The following LIPC variants were observed in gnomAD, a reference collection of about 807,000 sequenced individuals.
The protein encoded by LIPC is hepatic triacylglycerol lipase.
In LIPC, 44 loss-of-function variants were observed where a neutral mutation model predicts 50.7. The ratio of observed to expected loss-of-function variants is 0.87; its 90% confidence interval spans 0.68 to 1.11. LIPC has a LOEUF of 1.11. LIPC is among the 50% of genes most tolerant of loss of function. LIPC has a pLI of 0.00. For missense variants in LIPC, 697 were observed against 648.2 expected, an observed-to-expected ratio of 1.08 and a Z score of -0.82; for synonymous variants, 271 against 256.4, an observed-to-expected ratio of 1.06 and a Z score of -0.54.
At chr15:58,436,339 C>A in intron 1 of LIPC, 1 of 176,360 alleles carries the variant, frequency 5.7e-6, no homozygotes, top group Non-Finnish European at 1.2e-5. Context: ...CTAGGTGACC[C>A]CTGTAAGCTT....
At chr15:58,505,920 G>A (rs1453318505) in intron 1 of LIPC, among the ~76,000 whole-genome samples, 1 of 151,128 alleles carries the variant, frequency 6.6e-6, no homozygotes, top group Non-Finnish European at 1.5e-5. Context: ...GCCAGTACCC[G>A]CGAGCTCCCT....
intron 1 of LIPC, among the ~76,000 whole-genome samples, chr15:58,471,332 G>GGA (rs201484183): frequency 4.3e-5 from 6 of 138,740 alleles, no homozygotes; most frequent in Non-Finnish European, 7.8e-5. Context: ...TAGAGATGGG[G>GGA]GGGGGTGGTC....
At chr15:58,509,486 A>G (rs1415263978) in intron 1 of LIPC, among the ~76,000 whole-genome samples, 1 of 152,148 alleles carries the variant, frequency 6.6e-6, no homozygotes, top group African/African-American at 2.4e-5. Context: ...AAAGCTATCT[A>G]CTCCAAGGAT....
intron 1 of LIPC, among the ~76,000 whole-genome samples, chr15:58,492,124 A>G (rs572200266): frequency 3.9e-5 from 6 of 152,212 alleles, no homozygotes; most frequent in Admixed American, 1.3e-4. Flanking sequence ...GAGGCTCCCC[A>G]AGCATTCTAC....
chr15:58,460,762 G>T (rs1225654629), intron 1 of LIPC, among the ~76,000 whole-genome samples: 1 of 152,160 alleles, frequency 6.6e-6, no homozygotes, highest in African/African-American at 2.4e-5. Flanking sequence ...GGGAAAAGAG[G>T]GCAGCTGTTA....
chr15:58,532,786 G>C (rs924827890), intron 1 of LIPC, among the ~76,000 whole-genome samples: 1 of 152,140 alleles, frequency 6.6e-6, no homozygotes. Flanking sequence ...ATTGCCTGCA[G>C]TCACCCATCT....
intron 1 of LIPC, among the ~76,000 whole-genome samples, chr15:58,481,461 T>A (rs1257267750): frequency 6.6e-6 from 1 of 152,090 alleles, no homozygotes; most frequent in Non-Finnish European, 1.5e-5. Flanking sequence ...GGTAACTGGA[T>A]AAATAAATCA....
chr15:58,462,930 C>T (rs1206482957), intron 1 of LIPC, among the ~76,000 whole-genome samples: 6 of 152,240 alleles, frequency 3.9e-5, no homozygotes, highest in African/African-American at 7.2e-5. Flanking sequence ...ATTAGCACTG[C>T]ACAGGCTGTG....
At chr15:58,529,066 C>G in intron 1 of LIPC, among the ~76,000 whole-genome samples, 1 of 152,118 alleles carries the variant, frequency 6.6e-6, no homozygotes, top group East Asian at 1.9e-4. Flanking sequence ...GTAAGCTTCA[C>G]TTGGCAATTG....
At chr15:58,457,643 C>T (rs963207107) in intron 1 of LIPC, among the ~76,000 whole-genome samples, 21 of 152,326 alleles carry the variant, frequency 1.4e-4, no homozygotes, top group African/African-American at 5.1e-4. Flanking sequence ...ACTCAGGCCG[C>T]ATCATTTTGT....
rs185187566 is a variant in LIPC, at chr15:58,568,235, A to C, written c.1389-481A>C. Among the ~76,000 whole-genome samples the C allele has an allele frequency of 1.2e-3, 182 of 152,338 alleles. 1 individual carries two copies. The highest frequency in any genetic ancestry group is 4.1e-3 in the African/African-American group (170 of 41,582). On this transcript the variant is annotated intron_variant, in intron 8 of 8. Transcript: ENST00000299022. ...GGGGCAGGGCTTACAGGGCTGAGCC[A>C]GGCAGAAACCGATGACACTGGCCTC... is the stretch of plus-strand genomic sequence containing the variant.
chr15:58,542,694 G>A (rs1245318754), intron 4 of LIPC, 43 bp downstream of exon 4: 1 of 1,321,808 alleles, frequency 7.6e-7, no homozygotes, highest in South Asian at 1.2e-5. Context: ...CCACTCCATA[G>A]GGGCATCCAA....
At chr15:58,535,469 G>A (rs1275719945) in intron 1 of LIPC, among the ~76,000 whole-genome samples, 1 of 152,202 alleles carries the variant, frequency 6.6e-6, no homozygotes, top group Non-Finnish European at 1.5e-5. Flanking sequence ...GTTGTTTGTG[G>A]GGCTTTCCAT....
chr15:58,554,615 C>A (rs1218708818), intron 6 of LIPC, among the ~76,000 whole-genome samples: 1 of 149,790 alleles, frequency 6.7e-6, no homozygotes, highest in Non-Finnish European at 1.5e-5. Context: ...ATAATTAGGA[C>A]TGGGTGTGGC....
intron 1 of LIPC, among the ~76,000 whole-genome samples, chr15:58,448,871 A>C (rs75354047): frequency 0.092 from 14,080 of 152,288 alleles, 1,403 homozygotes; most frequent in East Asian, 0.27. Flanking sequence ...ATGACAGAAC[A>C]GAGAGTGGGG....
chr15:58,485,280 G>A (rs976716844), intron 1 of LIPC, among the ~76,000 whole-genome samples: 11 of 152,134 alleles, frequency 7.2e-5, no homozygotes, highest in African/African-American at 2.2e-4. Context: ...GGATTCAAGT[G>A]AGTTTTAGGA....
chr15:58,559,925 A>T (rs1426645849), intron 6 of LIPC, among the ~76,000 whole-genome samples: 1 of 152,160 alleles, frequency 6.6e-6, no homozygotes, highest in African/African-American at 2.4e-5. Context: ...ATCTAGGGTG[A>T]GGGAAGCTAA....
At chr15:58,560,778 T>C in intron 6 of LIPC, 86 bp from the exon 7 acceptor site, 1 of 713,912 alleles carries the variant, frequency 1.4e-6, no homozygotes, top group South Asian at 1.6e-5. Flanking sequence ...CCTCTGCATG[T>C]TTAAATTTTA....
At chr15:58,438,691 C>A (rs1893398249) in intron 1 of LIPC, among the ~76,000 whole-genome samples, 1 of 152,142 alleles carries the variant, frequency 6.6e-6, no homozygotes, top group Non-Finnish European at 1.5e-5. Context: ...AGGGCGCCCA[C>A]CCGGCTGCCC....
Sources: gnomAD v4.1 joint callset for allele counts (sites outside exome capture counted in the v4.1 genomes callset) on GRCh38, gnomAD v4.1.1 for gene constraint, MANE v1.5 for transcripts, NCBI Gene and HGNC (gene_info 2026-07-23, HGNC 2026-07-21) for gene names.